Variants in MSANTD2 observed in about 807,000 individuals in gnomAD.
MSANTD2 encodes the protein myb/SANT-like DNA-binding domain-containing protein 2.
MSANTD2 carries 19 observed loss-of-function variants against 52.6 expected under a neutral mutation model. The ratio of observed to expected loss-of-function variants is 0.36; its 90% CI spans 0.25 to 0.53. MSANTD2 has a LOEUF of 0.53. MSANTD2 is among the 20% of genes least tolerant of loss of function. The probability of loss-of-function intolerance (pLI) is 0.91; values close to 1 mark genes in which losing one functional copy is unlikely to be tolerated. For synonymous variants in MSANTD2, 291 were observed against 289.7 expected (o/e 1.00, Z -0.04); for missense variants, 558 against 716.3 (o/e 0.78, Z 2.52).
Position 124,774,586 on chromosome 11 carries a change from G to C in MSANTD2, c.766+133C>G, listed in dbSNP as rs1944665601. 1.2e-6 allele frequency: 1 copy of C among 860,550 alleles called. No individual in the cohort carries two copies. The highest frequency in any genetic ancestry group is 1.7e-5 in the African/African-American group (1 of 59,176). 53.3% of individuals were successfully genotyped at this position (860,550 alleles called of 1,614,324 possible). ...CATGAAAGACATACAAGGCAGAGAT[G>C]CCCTTTATGCCTTATGCTGACCACT... On this transcript the variant is annotated intron_variant, in intron 2 of 3. Coordinates refer to ENST00000374979, the MANE Select transcript of MSANTD2 (RefSeq NM_001308027.2). The surrounding 1 kb of genome is among the most constrained non-coding windows in gnomAD (Gnocchi z 5.1).
chr11:124,791,457 T>G, intron 1 of MSANTD2: 3 of 1,188,280 alleles, frequency 2.5e-6, no homozygotes, highest in Non-Finnish European at 3.7e-6. Context: ...CCTCCCCACC[T>G]GCACTGGGAG....
At position 124,800,225 on chromosome 11, in the gene MSANTD2, C is replaced by T. The variant is rs769744664; in HGVS notation, c.156G>A (p.Pro52=). 64 of 1,515,824 alleles carry T rather than the reference C, an allele frequency of 4.2e-5. No homozygotes were observed. In the East Asian group the frequency reaches 1.8e-3, roughly 43 times the overall value. The allele number at this position is 1,515,824 out of a possible 1,614,324, so 93.9% of individuals were successfully genotyped here. ...CTGCCCCCGAGCCCGCCGCACTGCC[C>T]GGCCCGAGCGGGGAGGCACCCCGAG... is the stretch of plus-strand genomic sequence containing the variant. ...STPRGASPLG[P]GSAAGSGAAA... Residue 52 remains proline, a synonymous_variant, in exon 1 of 4, where the codon CCG becomes CCA. Coordinates refer to ENST00000374979, the MANE Select transcript of MSANTD2 (RefSeq NM_001308027.2). The surrounding 1 kb of genome is among the most constrained non-coding windows in gnomAD (Gnocchi z 4.3).
rs1944359305 is a variant in MSANTD2 at position 124,767,819 on chromosome 11, C to T, written c.1037G>A (p.Arg346Gln). The T allele has an allele frequency of 1.9e-6, 3 of 1,614,180 alleles. No individual in the cohort carries two copies. The highest frequency in any genetic ancestry group is 2.2e-5 in the East Asian group (1 of 44,888). Reference protein sequence around the residue: ...SSQVPLGKRLREYFNSEKPEG... With the variant: ...SSQVPLGKRLQEYFNSEKPEG... ...AGGCTTCTCAGAGTTGAAGTACTCCCGAAGTCGCTTGCCAAGGGGCACCTG... is the reference window on the plus strand; with the variant it reads ...AGGCTTCTCAGAGTTGAAGTACTCCTGAAGTCGCTTGCCAAGGGGCACCTG... Residue 346 changes from arginine to glutamine, a missense_variant, in exon 4 of 4, where the codon CGG becomes CAG. Coordinates refer to ENST00000374979, the MANE Select transcript of MSANTD2 (RefSeq NM_001308027.2). This position sits in a 1 kb window ranked among gnomAD's most constrained non-coding sequence, Gnocchi z 6.5.
Position 124,779,932 on chromosome 11 carries a change from C to T in MSANTD2, c.511-4958G>A, listed in dbSNP as rs927923097. On this transcript the variant is annotated intron_variant, in intron 1 of 3. Transcript: ENST00000374979. The surrounding 1 kb of genome is among the most constrained non-coding windows in gnomAD (Gnocchi z 4.6). ...TCTTATAAAATTGTTAAAAATGATA[C>T]CTCAGACTAAAGCAGATTTGTATTT... Among the ~76,000 whole-genome samples, 1 of 152,068 alleles carries T rather than the reference C, an allele frequency of 6.6e-6. No homozygotes were observed. The highest frequency in any genetic ancestry group is 1.5e-5 in the Non-Finnish European group (1 of 68,010).
chr11:124,767,544 G>A lies in MSANTD2; in HGVS notation c.1312C>T (p.His438Tyr), dbSNP rs1450905715. The A allele has an allele frequency of 6.2e-6, 10 of 1,614,060 alleles. No homozygotes were observed. In the African/African-American group the frequency reaches 8.0e-5, roughly 13 times the overall value. Reference sequence around the variant, plus strand: ...GGGTCCAGGGAACTTTGCTCCATGTGTGGTGAGAGGGGCCTCTCAATACAT... The same window carrying A: ...GGGTCCAGGGAACTTTGCTCCATGTATGGTGAGAGGGGCCTCTCAATACAT... ...EECIERPLSP[H>Y]MEQSSLDPGK... is the part of the protein sequence containing the mutation. The change falls in exon 4 of 4, where the codon CAC becomes TAC. Residue 438 changes from histidine (H) to tyrosine (Y), a missense_variant. Physicochemically the swap from His to Tyr is moderately conservative, Grantham distance 83 (BLOSUM62 2). Transcript: ENST00000374979. The surrounding 1 kb of genome is among the most constrained non-coding windows in gnomAD (Gnocchi z 6.5).
Position 124,800,371 on chromosome 11 carries a change from G to A in MSANTD2, c.10C>T (p.Pro4Ser), listed in dbSNP as rs1299525425. The change falls in exon 1 of 4, where the codon CCC becomes TCC. Residue 4 changes from proline to serine, a missense_variant. By Grantham distance (74) the Pro-to-Ser change is moderately conservative. This residue lies in a region of MSANTD2 where 150 missense variants were observed against 142.7 expected (regional missense o/e 1.05). Coordinates refer to ENST00000374979, the MANE Select transcript of MSANTD2 (RefSeq NM_001308027.2). The surrounding 1 kb of genome is among the most constrained non-coding windows in gnomAD (Gnocchi z 4.3). ...TTGGCGGGCAGCTCCGAGCCACAGG[G>A]CGCAGCCATCTTCCAAGCGGCCGCC... MAAPCGSELPANSP... is the reference protein window; with the variant it reads MAASCGSELPANSP... The A allele has an allele frequency of 1.3e-6, 2 of 1,523,512 alleles. No individual in the cohort carries two copies. The highest frequency in any genetic ancestry group is 1.8e-6 in the Non-Finnish European group (2 of 1,135,716). 94.4% of individuals were successfully genotyped at this position (1,523,512 alleles called of 1,614,324 possible).
At chr11:124,784,706 A>T in intron 1 of MSANTD2, 4 of 974,174 alleles carry the variant, frequency 4.1e-6, no homozygotes, top group Non-Finnish European at 3.7e-6. Flanking sequence ...TACCATCTAT[A>T]GTGCAAAGAT....
intron 1 of MSANTD2, chr11:124,789,382 T>C (rs1006723508): frequency 1.3e-5 from 2 of 152,320 alleles, no homozygotes; most frequent in East Asian, 1.9e-4. Context: ...TAGTCTTACA[T>C]AGGCTGAGAA....
intron 1 of MSANTD2, among the ~76,000 whole-genome samples, chr11:124,797,945 T>C (rs1445507142): frequency 1.3e-5 from 2 of 152,196 alleles, no homozygotes; most frequent in African/African-American, 4.8e-5. Flanking sequence ...GAGAGATTTA[T>C]ATTCAGTGAG....
At chr11:124,790,062 A>G (rs1183697404) in intron 1 of MSANTD2, 1 of 152,272 alleles carries the variant, frequency 6.6e-6, no homozygotes, top group African/African-American at 2.4e-5. Context: ...CATTACACAG[A>G]TACAATTTTC....
At chr11:124,769,648 G>A (rs1944427535) in intron 3 of MSANTD2, among the ~76,000 whole-genome samples, 2 of 152,212 alleles carry the variant, frequency 1.3e-5, no homozygotes, top group South Asian at 2.1e-4. Flanking sequence ...CCCAATGCCT[G>A]ACATATAGTA....
chr11:124,789,072 C>A (rs643227), intron 1 of MSANTD2, among the ~76,000 whole-genome samples: 1 of 151,926 alleles, frequency 6.6e-6, no homozygotes, highest in Admixed American at 6.6e-5. Flanking sequence ...TGCAATACAT[C>A]TTTGATGAAT....
At chr11:124,799,519 G>A (rs1205519104) in intron 1 of MSANTD2, among the ~76,000 whole-genome samples, 1 of 152,184 alleles carries the variant, frequency 6.6e-6, no homozygotes, top group East Asian at 1.9e-4. Flanking sequence ...CCTCCGCCTG[G>A]AACAAAGCGA....
chr11:124,770,604 A>G (rs1339440117), intron 3 of MSANTD2, among the ~76,000 whole-genome samples: 2 of 151,850 alleles, frequency 1.3e-5, no homozygotes, highest in Non-Finnish European at 2.9e-5. Flanking sequence ...TTGCCTTGTA[A>G]TAACTCACAT....
intron 1 of MSANTD2, among the ~76,000 whole-genome samples, chr11:124,799,659 G>C (rs536379027): frequency 6.6e-6 from 1 of 152,208 alleles, no homozygotes; most frequent in African/African-American, 2.4e-5. Flanking sequence ...CGGCAGGCAC[G>C]CCCAACTTCA....
chr11:124,782,408 C>A (rs961002248), intron 1 of MSANTD2, among the ~76,000 whole-genome samples: 2 of 152,140 alleles, frequency 1.3e-5, no homozygotes, highest in Admixed American at 1.3e-4. Context: ...GCCATGATCA[C>A]GCCACTGCAC....
At chr11:124,782,453 T>TA (rs1324327141) in intron 1 of MSANTD2, among the ~76,000 whole-genome samples, 2 of 151,612 alleles carry the variant, frequency 1.3e-5, no homozygotes, top group Non-Finnish European at 2.9e-5. Context: ...CCCCTGTCTC[T>TA]AAAAAAAATA....
At chr11:124,777,864 C>G (rs1460559544) in intron 1 of MSANTD2, among the ~76,000 whole-genome samples, 2 of 151,750 alleles carry the variant, frequency 1.3e-5, no homozygotes, top group African/African-American at 4.9e-5. Context: ...GTAAAGACCA[C>G]AGATCCAAGG....
intron 1 of MSANTD2, chr11:124,775,973 T>C (rs764992902): frequency 3.9e-5 from 6 of 152,250 alleles, no homozygotes; most frequent in Non-Finnish European, 7.3e-5. Flanking sequence ...ATCAAGGGCT[T>C]AATCCCAGCT....
Sources: allele counts gnomAD v4.1 joint callset (sites outside exome capture counted in the v4.1 genomes callset), GRCh38; gene constraint gnomAD v4.1.1; regional missense constraint gnomAD v4.1.1; non-coding constraint Gnocchi (gnomAD v3.1); transcripts MANE v1.5; gene names NCBI Gene and HGNC (gene_info 2026-07-23, HGNC 2026-07-21).